The following CDH23 variants were observed in gnomAD, a reference collection of about 807,000 sequenced individuals.
CDH23 encodes cadherin-23.
Under a neutral mutation model 317.1 loss-of-function variants are expected in CDH23, and 189 were observed. The ratio of observed to expected loss-of-function variants is 0.60; its 90% confidence interval spans 0.53 to 0.67. The LOEUF (loss-of-function observed/expected upper bound fraction) is 0.67. CDH23 is among the 30% of genes least tolerant of loss of function. CDH23 has a pLI of 0.00. For synonymous variants in CDH23, 1,839 were observed against 1,876.8 expected, an observed-to-expected ratio of 0.98 and a Z score of 0.52; for missense variants, 4,401 against 4,592.4, an observed-to-expected ratio of 0.96 and a Z score of 1.20.
rs772201064 is a variant in CDH23 at position 71,702,740 on chromosome 10, G to T, written c.2733+46G>T. 3 of 1,609,816 alleles carry T rather than the reference G, an allele frequency of 1.9e-6. No individual in the cohort carries two copies. The African/African-American group carries it at 4.0e-5, about 21-fold the overall frequency. On this transcript the variant is annotated intron_variant, in intron 24 of 69. Coordinates refer to ENST00000224721, the MANE Select transcript of CDH23 (RefSeq NM_022124.6). ...TCCTACCAGCCCAGAGGTGGGCAGTGGGTGCCTGAGGAGCCTAGCCCAGGC... is the reference window on the plus strand; with the variant it reads ...TCCTACCAGCCCAGAGGTGGGCAGTTGGTGCCTGAGGAGCCTAGCCCAGGC...
At chr10:71,686,429 G>A (rs1864899445) in intron 18 of CDH23, among the ~76,000 whole-genome samples, 1 of 152,118 alleles carries the variant, frequency 6.6e-6, no homozygotes, top group Non-Finnish European at 1.5e-5. Flanking sequence ...CCAAGGGGCA[G>A]ATTGGAGAAA....
At chr10:71,803,815 CAAAAAA>C (rs59916449) in intron 55 of CDH23, among the ~76,000 whole-genome samples, 1 of 71,086 alleles carries the variant, frequency 1.4e-5, no homozygotes, top group Non-Finnish European at 2.6e-5. Flanking sequence ...ACTAAAAATG[CAAAAAA>C]AAAAAAAAAA....
intron 14 of CDH23, among the ~76,000 whole-genome samples, chr10:71,659,037 GTA>G (rs1209966320): frequency 6.6e-6 from 1 of 152,226 alleles, no homozygotes; most frequent in Non-Finnish European, 1.5e-5. Context: ...GAGTGTTCCT[GTA>G]GACAGTCACC....
At chr10:71,510,615 A>G (rs1450654179) in intron 4 of CDH23, among the ~76,000 whole-genome samples, 1 of 152,104 alleles carries the variant, frequency 6.6e-6, no homozygotes, top group African/African-American at 2.4e-5. Flanking sequence ...ACGTGAACAC[A>G]TCCCCAACCC....
At chr10:71,512,596 C>T (rs1564625115) in intron 6 of CDH23, among the ~76,000 whole-genome samples, 1 of 152,248 alleles carries the variant, frequency 6.6e-6, no homozygotes. Flanking sequence ...TCCTGGCAGG[C>T]ATGGCTGCCC....
chr10:71,410,879 T>G (rs1294218723), intron 1 of CDH23, among the ~76,000 whole-genome samples: 1 of 152,236 alleles, frequency 6.6e-6, no homozygotes, highest in Non-Finnish European at 1.5e-5. Context: ...CATTCTACTG[T>G]TGTTGGACTG....
rs71480584 is a variant in CDH23, at chr10:71,554,364, A to AT, written c.430-12363dup. Among the ~76,000 whole-genome samples the AT allele has an allele frequency of 5.3e-3, 774 of 145,314 alleles. 2 individuals are homozygous for AT. Among genetic ancestry groups the AT allele is most frequent in the African/African-American group, 0.016 (645 of 39,754 alleles). ...AGGTGCACACCACCACACTGGACTA[A>AT]TTTTTTTTTTTTTTTGGTAGAGATG... On this transcript the variant is annotated intron_variant, in intron 6 of 69. Transcript: ENST00000224721.
At chr10:71,599,321 A>G (rs1363544401) in intron 9 of CDH23, among the ~76,000 whole-genome samples, 1 of 152,204 alleles carries the variant, frequency 6.6e-6, no homozygotes, top group Non-Finnish European at 1.5e-5. Flanking sequence ...CAGAAAAGGT[A>G]AAAACCTCTG....
chr10:71,598,293 G>C (rs374630962), intron 9 of CDH23, among the ~76,000 whole-genome samples: 18 of 152,352 alleles, frequency 1.2e-4, no homozygotes, highest in South Asian at 8.3e-4. Flanking sequence ...TTTGGGCTCT[G>C]AGGCTCTGCT....
chr10:71,550,225 G>T (rs1405940930), intron 6 of CDH23, among the ~76,000 whole-genome samples: 1 of 152,056 alleles, frequency 6.6e-6, no homozygotes, highest in Non-Finnish European at 1.5e-5. Context: ...GTACAGCCTT[G>T]GTCATGGGAC....
chr10:71,538,540 T>C (rs1011932420), intron 6 of CDH23, among the ~76,000 whole-genome samples: 9 of 152,210 alleles, frequency 5.9e-5, no homozygotes, highest in Non-Finnish European at 1.3e-4. Flanking sequence ...TTCCCTGTCA[T>C]GTCCAACATA....
intron 40 of CDH23, among the ~76,000 whole-genome samples, chr10:71,778,698 G>A (rs1007679479): frequency 2.0e-5 from 3 of 152,196 alleles, no homozygotes; most frequent in Non-Finnish European, 4.4e-5. Flanking sequence ...AGTGAGAGGA[G>A]TAAATGAAAC....
At position 71,732,339 on chromosome 10, in the gene CDH23, C is replaced by T. The variant is rs143136329; in HGVS notation, c.4068C>T (p.Thr1356=). Residue 1356 remains threonine, a synonymous_variant, in exon 32 of 70, where the codon ACC becomes ACT. Coordinates refer to ENST00000224721, the MANE Select transcript of CDH23 (RefSeq NM_022124.6). ...ITYRFNAYTS[T]QAKALFKIDA... is the part of the protein sequence containing the mutation. Reference sequence around the variant, plus strand: ...ACCGCTTCAACGCCTACACCAGCACCCAGGCCAAAGCCCTCTTCAAGATAG... The same window carrying T: ...ACCGCTTCAACGCCTACACCAGCACTCAGGCCAAAGCCCTCTTCAAGATAG... The T allele has an allele frequency of 5.7e-6, 9 of 1,582,558 alleles. No homozygotes were observed. The highest frequency in any genetic ancestry group is 7.7e-6 in the Non-Finnish European group (9 of 1,164,036).
At chr10:71,566,679 G>A (rs1857418845) in intron 6 of CDH23, 63 bp from the exon 7 acceptor site, 2 of 1,454,026 alleles carry the variant, frequency 1.4e-6, no homozygotes, top group Non-Finnish European at 1.9e-6. Flanking sequence ...GAGGGACTCA[G>A]CCCTGATGGC....
In CDH23 at chr10:71,784,379, A is replaced by G; in HGVS notation, c.5461A>G (p.Ile1821Val). The G allele has an allele frequency of 6.2e-7, 1 of 1,613,820 alleles. No homozygotes were observed. The highest frequency in any genetic ancestry group is 8.5e-7 in the Non-Finnish European group (1 of 1,179,812). ...GACCATCGCCTTCTACAACCTGACC[A>G]TCTGTGCCCGTGACCGGGGGATGCC... The part of the protein sequence containing the change: ...RETIAFYNLT[I>V]CARDRGMPPL... The change falls in exon 42 of 70, where the codon ATC becomes GTC. Residue 1821 changes from isoleucine (I) to valine (V), a missense_variant. Ile to Val is a conservative substitution (Grantham distance 29). Around this residue, in one of 3 missense-constraint regions of CDH23, gnomAD observed 3,068 missense variants for 3,203.3 expected, o/e 0.96. Coordinates refer to ENST00000224721, the MANE Select transcript of CDH23 (RefSeq NM_022124.6).
At chr10:71,697,113 G>C (rs370533310) in intron 22 of CDH23, among the ~76,000 whole-genome samples, 1 of 152,236 alleles carries the variant, frequency 6.6e-6, no homozygotes, top group African/African-American at 2.4e-5. Context: ...CTGGATTGCC[G>C]TTATCAAATA....
intron 42 of CDH23, 40 bp from the exon 43 acceptor site, chr10:71,784,851 G>C (rs749703582): frequency 1.3e-5 from 20 of 1,555,112 alleles, no homozygotes; most frequent in Non-Finnish European, 1.6e-5. Context: ...AACATCTGTC[G>C]CTCTTCCTCC....
chr10:71,473,936 T>C (rs1851651834), intron 3 of CDH23, among the ~76,000 whole-genome samples: 1 of 152,232 alleles, frequency 6.6e-6, no homozygotes. Context: ...TGATAATGCC[T>C]CTGCCTTGGA....
In CDH23 at chr10:71,798,401, T is replaced by G. The variant is rs1329210385; in HGVS notation, c.6877T>G (p.Phe2293Val). ...VLDVNDNTPQFKPFGITYYME... is the reference protein window; with the variant it reads ...VLDVNDNTPQVKPFGITYYME... ...GGACGTCAATGACAATACGCCCCAG[T>G]TCAAGCCCTTTGGGATCACCTACTA... The change falls in exon 50 of 70, where the codon TTC (phenylalanine) becomes GTC (valine). Residue 2293 changes from phenylalanine to valine, a missense_variant. Phe to Val is a conservative substitution (Grantham distance 50, BLOSUM62 -1). Transcript: ENST00000224721. 1 of 1,613,938 alleles carries G rather than the reference T, an allele frequency of 6.2e-7. No individual in the cohort carries two copies. The highest frequency in any genetic ancestry group is 8.5e-7 in the Non-Finnish European group (1 of 1,179,846).
Sources: allele counts gnomAD v4.1 joint callset (sites outside exome capture counted in the v4.1 genomes callset), GRCh38; gene constraint gnomAD v4.1.1; regional missense constraint gnomAD v4.1.1; transcripts MANE v1.5; gene names NCBI Gene and HGNC (gene_info 2026-07-23, HGNC 2026-07-21).